HERC3: variants seen among roughly 807,000 people sequenced by gnomAD.
HERC3 encodes HECT and RLD domain containing E3 ubiquitin protein ligase 3.
In HERC3, 58 loss-of-function variants were observed where a neutral mutation model predicts 129.9. The ratio of observed to expected loss-of-function variants is 0.45; its 90% CI spans 0.36 to 0.56. The LOEUF (loss-of-function observed/expected upper bound fraction) is 0.56. HERC3 is among the 20% of genes least tolerant of loss of function. The pLI is 0.00. For missense variants in HERC3, 835 were observed against 1,244.2 expected (o/e 0.67, Z 4.95); for synonymous variants, 430 against 451.0 (o/e 0.95, Z 0.59).
At chr4:88,569,328 T>C in the HERC3 span, among the ~76,000 whole-genome samples, 4 of 152,230 alleles carry the variant, frequency 2.6e-5, no homozygotes, top group Non-Finnish European at 4.4e-5. Flanking sequence ...ACTATGAAGC[T>C]GCTACCTGGG....
chr4:88,697,348 C>G, intron 23 of HERC3: 1 of 1,613,914 alleles, frequency 6.2e-7, no homozygotes. Flanking sequence ...CTCCTCCTCC[C>G]CCTCCAAGGT....
At chr4:88,662,660 G>T in intron 11 of HERC3, 105 bp downstream of exon 11, 3 of 1,197,314 alleles carry the variant, frequency 2.5e-6, no homozygotes, top group Non-Finnish European at 2.3e-6. Flanking sequence ...AATGTAAATG[G>T]GGTTTTACAT....
At chr4:88,637,961 C>T (rs1353090156) in intron 3 of HERC3, among the ~76,000 whole-genome samples, 2 of 148,510 alleles carry the variant, frequency 1.3e-5, no homozygotes, top group Non-Finnish European at 2.9e-5. Context: ...ACTATTAACA[C>T]CTCCAGCAAA....
intron 23 of HERC3, chr4:88,696,944 C>T (rs779109408): frequency 1.7e-5 from 7 of 400,096 alleles, no homozygotes; most frequent in East Asian, 3.9e-5. Context: ...AGAGAAGAGA[C>T]CATGAAAACA....
intron 12 of HERC3, 103 bp from the exon 13 acceptor site, chr4:88,667,274 T>G (rs1578275843): frequency 1.9e-6 from 1 of 532,958 alleles, no homozygotes; most frequent in African/African-American, 2.0e-5. Context: ...CAGATCAAAT[T>G]TAAATCTGAT....
At chr4:88,612,830 A>G (rs1039350436) in intron 3 of HERC3, among the ~76,000 whole-genome samples, 5 of 152,132 alleles carry the variant, frequency 3.3e-5, no homozygotes, top group African/African-American at 1.2e-4. Flanking sequence ...CAAACAAAAC[A>G]TAAGCTTTTT....
intron 16 of HERC3, among the ~76,000 whole-genome samples, chr4:88,674,272 G>A (rs1000110501): frequency 6.6e-6 from 1 of 152,136 alleles, no homozygotes. Flanking sequence ...GAGAACAGGA[G>A]TGGGACTGGA....
chr4:88,534,531 T>C, the HERC3 span, among the ~76,000 whole-genome samples: 3 of 152,298 alleles, frequency 2.0e-5, no homozygotes, highest in South Asian at 6.2e-4. Flanking sequence ...TTCCCTCTAC[T>C]TAGTCAGTTC....
intron 3 of HERC3, among the ~76,000 whole-genome samples, chr4:88,637,546 G>A (rs1327886112): frequency 6.6e-6 from 1 of 152,188 alleles, no homozygotes; most frequent in Non-Finnish European, 1.5e-5. Flanking sequence ...TGAAACCAAT[G>A]AGAACAAAGA....
the HERC3 span, among the ~76,000 whole-genome samples, chr4:88,530,998 G>T: frequency 6.6e-6 from 1 of 151,928 alleles, no homozygotes; most frequent in African/African-American, 2.4e-5. Context: ...CCACAGGTGT[G>T]TACCACCACA....
the HERC3 span, among the ~76,000 whole-genome samples, chr4:88,579,033 T>C: frequency 6.6e-6 from 1 of 151,956 alleles, no homozygotes; most frequent in South Asian, 2.1e-4. Context: ...AAGAAGCGGG[T>C]ATGATCTGAA....
intron 16 of HERC3, among the ~76,000 whole-genome samples, chr4:88,674,024 C>G (rs1031301860): frequency 1.3e-5 from 2 of 152,274 alleles, no homozygotes; most frequent in South Asian, 4.1e-4. Flanking sequence ...TTTTGGATTT[C>G]TTCCCAGCCA....
At chr4:88,584,399 G>T in the HERC3 span, among the ~76,000 whole-genome samples, 1 of 152,120 alleles carries the variant, frequency 6.6e-6, no homozygotes, top group Non-Finnish European at 1.5e-5. Flanking sequence ...ATGGCCCGGG[G>T]TGCACGTTCC....
rs2149312565 is a variant in HERC3, at chr4:88,678,023, G to C, written c.2085G>C (p.Leu695=). ...TCATGCTTCTCACCCTGGAGCCTCT[G>C]CTGGCCAGAAGCCCCTTCCTGGTCC... ...NVFMLLTLEP[L]LARSPFLVLH... Residue 695 remains leucine, a synonymous_variant, in exon 19 of 26, where the codon CTG becomes CTC. Transcript: ENST00000402738. 6.2e-7 allele frequency: 1 copy of C among 1,613,872 alleles called. No homozygotes were observed. The highest frequency in any genetic ancestry group is 8.5e-7 in the Non-Finnish European group (1 of 1,180,002).
the HERC3 span, chr4:88,524,835 A>T: frequency 6.6e-6 from 1 of 151,964 alleles, no homozygotes; most frequent in Non-Finnish European, 1.5e-5. Context: ...GCTGAATATC[A>T]ACCTGAACTT....
the HERC3 span, among the ~76,000 whole-genome samples, chr4:88,542,059 A>T: frequency 6.6e-6 from 1 of 152,198 alleles, no homozygotes; most frequent in South Asian, 2.1e-4. Flanking sequence ...GAGCAAACAC[A>T]TTCAAAAGCT....
At chr4:88,579,921 A>G in the HERC3 span, among the ~76,000 whole-genome samples, 1 of 152,182 alleles carries the variant, frequency 6.6e-6, no homozygotes, top group Non-Finnish European at 1.5e-5. Flanking sequence ...TGGAAAAGGC[A>G]AGGAGTGGAT....
the HERC3 span, among the ~76,000 whole-genome samples, chr4:88,525,642 G>A: frequency 6.6e-6 from 1 of 152,152 alleles, no homozygotes; most frequent in Non-Finnish European, 1.5e-5. Context: ...GAGAGTAACA[G>A]CAAAGTATTG....
chr4:88,555,129 C>A, the HERC3 span, among the ~76,000 whole-genome samples: 1 of 151,696 alleles, frequency 6.6e-6, no homozygotes, highest in African/African-American at 2.4e-5. Context: ...ACTAAAAATA[C>A]AAAAATTAGG....
Sources: allele counts gnomAD v4.1 joint callset (sites outside exome capture counted in the v4.1 genomes callset), GRCh38; gene constraint gnomAD v4.1.1; transcripts MANE v1.5; gene names NCBI Gene and HGNC (gene_info 2026-07-23, HGNC 2026-07-21).